The following ASIC2 variants were observed in gnomAD, a reference collection of about 807,000 sequenced individuals.
ASIC2 encodes acid-sensing ion channel 2.
ASIC2 carries 25 observed loss-of-function variants against 57.3 expected under a neutral mutation model. The observed-to-expected ratio is 0.44, with a 90% CI of 0.32 to 0.61. The LOEUF is 0.61. Among genes scored for constraint, ASIC2 ranks in the 20% least tolerant of loss-of-function variants. ASIC2 has a pLI of 0.06. For missense variants in ASIC2, 641 were observed against 738.1 expected, an observed-to-expected ratio of 0.87 and a Z score of 1.52; for synonymous variants, 319 against 307.5, an observed-to-expected ratio of 1.04 and a Z score of -0.39.
intron 1 of ASIC2, among the ~76,000 whole-genome samples, chr17:33,947,003 T>C (rs936553641): frequency 1.3e-5 from 2 of 152,182 alleles, no homozygotes; most frequent in Non-Finnish European, 2.9e-5. Context: ...ATTATTGTTA[T>C]AAAGTTCTGA....
At chr17:33,548,265 C>T (rs150548443) in intron 1 of ASIC2, among the ~76,000 whole-genome samples, 70 of 152,316 alleles carry the variant, frequency 4.6e-4, no homozygotes, top group African/African-American at 1.6e-3. Context: ...ACATGGAATA[C>T]TTCACAGGAA....
In ASIC2 at chr17:33,715,173, A is replaced by T. The variant is rs138988960; in HGVS notation, c.555+440805T>A. 3.5e-3 allele frequency among the ~76,000 whole-genome samples: 528 copies of T among 150,316 alleles called. 2 individuals are homozygous for T. Among genetic ancestry groups the T allele is most frequent in the African/African-American group, 0.012 (507 of 40,798 alleles). ...TGCTGCTGCACTTGACTAATTTTAA[A>T]TTTTTTTTAATAGAGACAGGGTCTC... is the stretch of plus-strand genomic sequence containing the variant. On this transcript the variant is annotated intron_variant, in intron 1 of 9. Coordinates refer to the ASIC2 transcript ENST00000359872.
chr17:33,115,028 G>A (rs2092275288), intron 1 of ASIC2, among the ~76,000 whole-genome samples: 1 of 152,218 alleles, frequency 6.6e-6, no homozygotes, highest in Non-Finnish European at 1.5e-5. Flanking sequence ...CAAAGAGGGA[G>A]CAGAGAGGTC....
chr17:33,764,271 C>T (rs542171258), intron 1 of ASIC2, among the ~76,000 whole-genome samples: 72 of 150,486 alleles, frequency 4.8e-4, no homozygotes, highest in Admixed American at 7.9e-4. Context: ...GAGCCCAGAT[C>T]GCGCCACTGC....
intron 1 of ASIC2, among the ~76,000 whole-genome samples, chr17:33,179,372 C>T (rs985658073): frequency 2.6e-5 from 4 of 152,138 alleles, no homozygotes; most frequent in East Asian, 1.9e-4. Flanking sequence ...CATGCAGACA[C>T]GTCTGGCTTT....
intron 1 of ASIC2, among the ~76,000 whole-genome samples, chr17:33,634,109 G>C (rs543318074): frequency 1.3e-5 from 2 of 151,244 alleles, no homozygotes; most frequent in East Asian, 2.0e-4. Context: ...TCCCATTCAC[G>C]TGGATTTTAG....
At chr17:33,613,657 G>A (rs188258055) in intron 1 of ASIC2, among the ~76,000 whole-genome samples, 265 of 152,194 alleles carry the variant, frequency 1.7e-3, no homozygotes, top group African/African-American at 6.3e-3. Context: ...GTGAGCCACC[G>A]CGCCTGGCCC....
chr17:33,781,586 G>C (rs2142128959), intron 1 of ASIC2, among the ~76,000 whole-genome samples: 1 of 152,186 alleles, frequency 6.6e-6, no homozygotes, highest in East Asian at 1.9e-4. Context: ...TGAAAACCAT[G>C]ATGGAAAGGC....
chr17:34,144,505 T>G (rs575969470), intron 1 of ASIC2, among the ~76,000 whole-genome samples: 6 of 152,312 alleles, frequency 3.9e-5, no homozygotes, highest in Admixed American at 2.0e-4. Flanking sequence ...CACCAGCTCA[T>G]CTTAGTAATA....
chr17:34,128,705 G>A (rs967776041), intron 1 of ASIC2, among the ~76,000 whole-genome samples: 7 of 152,150 alleles, frequency 4.6e-5, no homozygotes, highest in Non-Finnish European at 7.3e-5. Context: ...AGCATTTCTT[G>A]ATGCCGTGTT....
intron 1 of ASIC2, among the ~76,000 whole-genome samples, chr17:33,620,549 G>A (rs1042269796): frequency 6.6e-6 from 1 of 152,216 alleles, no homozygotes; most frequent in Non-Finnish European, 1.5e-5. Flanking sequence ...GTGACAGCCT[G>A]TGAGAAGTGA....
At chr17:33,312,906 A>G (rs1272100996) in intron 1 of ASIC2, among the ~76,000 whole-genome samples, 1 of 152,348 alleles carries the variant, frequency 6.6e-6, no homozygotes, top group South Asian at 2.1e-4. Context: ...ATTGCACTCC[A>G]GGCTGTGCAA....
At chr17:34,054,010 G>T (rs2142055678) in intron 1 of ASIC2, among the ~76,000 whole-genome samples, 1 of 152,350 alleles carries the variant, frequency 6.6e-6, no homozygotes, top group Middle Eastern at 3.4e-3. Flanking sequence ...GAGAGCAAAG[G>T]ACTCAGACCA....
intron 1 of ASIC2, among the ~76,000 whole-genome samples, chr17:33,279,549 A>G (rs1317050798): frequency 6.6e-6 from 1 of 152,166 alleles, no homozygotes; most frequent in East Asian, 1.9e-4. Flanking sequence ...AACGTGGAGC[A>G]CGAGAGAGAG....
intron 1 of ASIC2, among the ~76,000 whole-genome samples, chr17:33,642,597 T>C (rs1906611901): frequency 6.6e-6 from 1 of 152,210 alleles, no homozygotes; most frequent in African/African-American, 2.4e-5. Context: ...ATACTCTCAC[T>C]GTCCGTCCAT....
intron 8 of ASIC2, among the ~76,000 whole-genome samples, chr17:33,016,860 G>A (rs1202850340): frequency 6.6e-6 from 1 of 152,134 alleles, no homozygotes; most frequent in Non-Finnish European, 1.5e-5. Context: ...GAAGTGCATT[G>A]CCCATCTCAC....
intron 3 of ASIC2, among the ~76,000 whole-genome samples, chr17:33,072,552 A>G (rs987352116): frequency 1.3e-5 from 2 of 152,230 alleles, no homozygotes; most frequent in African/African-American, 4.8e-5. Context: ...TTCAGAAAAG[A>G]GTGACATAGC....
At chr17:33,101,558 A>G (rs1157009816) in intron 2 of ASIC2, among the ~76,000 whole-genome samples, 1 of 152,146 alleles carries the variant, frequency 6.6e-6, no homozygotes, top group Non-Finnish European at 1.5e-5. Flanking sequence ...GGTTTTAAAA[A>G]ATTTTAGATC....
chr17:33,941,717 T>C (rs1384477507), intron 1 of ASIC2, among the ~76,000 whole-genome samples: 4 of 152,108 alleles, frequency 2.6e-5, no homozygotes, highest in African/African-American at 9.6e-5. Context: ...AATGAAAGAA[T>C]AAAGGAATGA....
Sources: gnomAD v4.1 joint callset for allele counts (sites outside exome capture counted in the v4.1 genomes callset) on GRCh38, gnomAD v4.1.1 for gene constraint, MANE v1.5 for transcripts, NCBI Gene and HGNC (gene_info 2026-07-23, HGNC 2026-07-21) for gene names.